The following NR3C1 variants were observed in gnomAD, a reference collection of about 807,000 sequenced individuals.
NR3C1 encodes the protein nuclear receptor subfamily 3 group C member 1.
Under a neutral mutation model 74.0 loss-of-function variants are expected in NR3C1, and 14 were observed. That is an observed-to-expected ratio of 0.19 (90% CI 0.12 to 0.30). The LOEUF (loss-of-function observed/expected upper bound fraction) is 0.30. NR3C1 is among the 10% of genes least tolerant of loss of function. NR3C1 has a pLI of 1.00. For missense variants in NR3C1, 695 were observed against 909.8 expected (o/e 0.76, Z 3.04); for synonymous variants, 308 against 332.5 (o/e 0.93, Z 0.80).
intron 2 of NR3C1, among the ~76,000 whole-genome samples, chr5:143,347,986 T>C (rs1375807519): frequency 6.6e-6 from 1 of 152,156 alleles, no homozygotes; most frequent in African/African-American, 2.4e-5. Flanking sequence ...AGTTTGTTCA[T>C]TTGGTGTCTT....
intron 4 of NR3C1, among the ~76,000 whole-genome samples, chr5:143,308,196 C>T (rs1820072668): frequency 6.6e-6 from 1 of 152,146 alleles, no homozygotes. Context: ...TGCAGTGGCT[C>T]ACACCTGTAA....
chr5:143,413,134 G>T (rs957028200), intron 1 of NR3C1, among the ~76,000 whole-genome samples: 1 of 152,102 alleles, frequency 6.6e-6, no homozygotes, highest in Non-Finnish European at 1.5e-5. Context: ...AGACAGATAC[G>T]GTTACAAGTC....
Position 143,409,934 on chromosome 5 carries a change from C to T in NR3C1, c.-13-9082G>A, listed in dbSNP as rs61757448. 4.3e-3 allele frequency among the ~76,000 whole-genome samples: 653 copies of T among 152,252 alleles called. 2 individuals are homozygous for T. The highest frequency in any genetic ancestry group is 0.015 in the African/African-American group (623 of 41,542). ...ATTTGTGCTCATATGCGTGAAATGC[C>T]CAATGGGTGTCCTGGTTGACTTTAT... On this transcript the variant is annotated intron_variant, in intron 1 of 8. Coordinates refer to the NR3C1 transcript ENST00000343796.
rs749388815 is a variant in NR3C1 at position 143,399,758 on chromosome 5, G to A, written c.1082C>T (p.Ser361Phe). 7.5e-5 allele frequency: 121 copies of A among 1,614,108 alleles called. No individual in the cohort carries two copies. In the Middle Eastern group the frequency reaches 1.5e-3, roughly 20 times the overall value. Residue 361 changes from serine (S) to phenylalanine (F), a missense_variant, in exon 2 of 9, where the codon TCC (serine) becomes TTC (phenylalanine). Around this residue, in one of 4 missense-constraint regions of NR3C1, gnomAD observed 497 missense variants for 489.5 expected, o/e 1.02. Transcript: ENST00000394464. ...FNVIPPIPVG[S>F]ENWNRCQGSG... ...TCCTTGGCACCTATTCCAATTTTCG[G>A]AACCAACGGGAATTGGTGGAATGAC...
intron 7 of NR3C1, 196 bp downstream of exon 7, chr5:143,295,264 A>C: frequency 1.0e-6 from 1 of 985,340 alleles, no homozygotes; most frequent in Non-Finnish European, 1.2e-6. Flanking sequence ...TGTTTCTGCC[A>C]TACCTATTTG....
chr5:143,422,641 A>G (rs1057470682), intron 1 of NR3C1, among the ~76,000 whole-genome samples: 1 of 152,188 alleles, frequency 6.6e-6, no homozygotes, highest in African/African-American at 2.4e-5. Flanking sequence ...AGAAGAGAAG[A>G]TGGCTGTCCA....
chr5:143,294,152 G>T, intron 7 of NR3C1: 4 of 985,064 alleles, frequency 4.1e-6, no homozygotes, highest in Non-Finnish European at 4.8e-6. Context: ...CTTTGGAAAT[G>T]TTTAAATAGA....
chr5:143,372,162 T>C (rs1400516925), intron 2 of NR3C1, among the ~76,000 whole-genome samples: 2 of 152,214 alleles, frequency 1.3e-5, no homozygotes, highest in African/African-American at 2.4e-5. Flanking sequence ...AAAAGATTCA[T>C]TCTTATCATA....
At chr5:143,402,819 G>A (rs1840577068) in intron 1 of NR3C1, 1 of 985,348 alleles carries the variant, frequency 1.0e-6, no homozygotes, top group South Asian at 4.7e-5. Flanking sequence ...AAATTCAGAC[G>A]CGGCTTAGCG....
At chr5:143,295,933 C>T (rs925414377) in intron 6 of NR3C1, among the ~76,000 whole-genome samples, 1 of 152,080 alleles carries the variant, frequency 6.6e-6, no homozygotes, top group Non-Finnish European at 1.5e-5. Context: ...CATTTGAATA[C>T]GGTCAATTAG....
chr5:143,293,985 A>C, intron 7 of NR3C1: 1 of 985,320 alleles, frequency 1.0e-6, no homozygotes, highest in Non-Finnish European at 1.2e-6. Flanking sequence ...TTCTTTAACA[A>C]GTGTACCGCT....
intron 7 of NR3C1, among the ~76,000 whole-genome samples, chr5:143,294,721 T>C (rs1436664629): frequency 1.3e-5 from 2 of 152,206 alleles, no homozygotes; most frequent in Non-Finnish European, 2.9e-5. Context: ...GAATGTTATA[T>C]AGTTAGAATC....
chr5:143,424,922 T>G (rs964825028), intron 1 of NR3C1, among the ~76,000 whole-genome samples: 3 of 152,154 alleles, frequency 2.0e-5, no homozygotes, highest in Non-Finnish European at 2.9e-5. Context: ...AAAAAAATAC[T>G]TAACTCAAAA....
chr5:143,374,703 G>A (rs1398902683), intron 2 of NR3C1, among the ~76,000 whole-genome samples: 11 of 152,014 alleles, frequency 7.2e-5, no homozygotes, highest in Admixed American at 2.0e-4. Flanking sequence ...AAAAAACAGT[G>A]AGTCAAAAAG....
At chr5:143,402,029 G>A (rs1410543523) in intron 1 of NR3C1, among the ~76,000 whole-genome samples, 1 of 152,196 alleles carries the variant, frequency 6.6e-6, no homozygotes, top group African/African-American at 2.4e-5. Context: ...CTTTTCCTAT[G>A]CGATGACGTT....
chr5:143,424,150 C>T (rs1751401776), intron 1 of NR3C1, among the ~76,000 whole-genome samples: 1 of 151,772 alleles, frequency 6.6e-6, no homozygotes, highest in Non-Finnish European at 1.5e-5. Context: ...CACCATGGCA[C>T]ATGTATACAT....
chr5:143,402,526 C>T (rs568688473), intron 1 of NR3C1: 1 of 927,676 alleles, frequency 1.1e-6, no homozygotes, highest in East Asian at 1.2e-4. Context: ...ACAACAAACG[C>T]TAAAGAGCAA....
chr5:143,392,644 T>G (rs533276714), intron 2 of NR3C1, among the ~76,000 whole-genome samples: 1 of 152,244 alleles, frequency 6.6e-6, no homozygotes, highest in South Asian at 2.1e-4. Flanking sequence ...GTAACTAGAA[T>G]AAAAACTTTC....
At chr5:143,430,403 TTC>T (rs1156941149) in intron 1 of NR3C1, among the ~76,000 whole-genome samples, 12 of 152,234 alleles carry the variant, frequency 7.9e-5, no homozygotes, top group Non-Finnish European at 2.9e-5. Context: ...CTTTTTTACT[TTC>T]TCCAGTGAAG....
Sources: gnomAD v4.1 joint callset for allele counts (sites outside exome capture counted in the v4.1 genomes callset) on GRCh38, gnomAD v4.1.1 for gene constraint, gnomAD v4.1.1 regional missense constraint, MANE v1.5 for transcripts, NCBI Gene and HGNC (gene_info 2026-07-23, HGNC 2026-07-21) for gene names.